Variants in GCH1 observed in about 807,000 individuals in gnomAD.
The protein encoded by GCH1 is GTP cyclohydrolase 1.
A neutral mutation model predicts 25.9 loss-of-function variants in GCH1; 5 were observed. The ratio of observed to expected loss-of-function variants is 0.19; its 90% CI spans 0.10 to 0.41. The LOEUF is 0.41. Ranked by LOEUF, GCH1 falls within the 10% of genes least tolerant of loss-of-function variation. GCH1 has a pLI of 1.00. For synonymous variants in GCH1, 159 were observed against 129.6 expected, an observed-to-expected ratio of 1.23 and a Z score of -1.54; for missense variants, 261 against 336.5, an observed-to-expected ratio of 0.78 and a Z score of 1.75.
At chr14:54,862,187 C>G (rs1785644598) in intron 2 of GCH1, among the ~76,000 whole-genome samples, 1 of 151,984 alleles carries the variant, frequency 6.6e-6, no homozygotes, top group Non-Finnish European at 1.5e-5. Context: ...ATGCACCCAC[C>G]ATGCCCAATT....
At chr14:54,867,157 G>GA (rs1173023892) in intron 1 of GCH1, among the ~76,000 whole-genome samples, 2 of 152,098 alleles carry the variant, frequency 1.3e-5, no homozygotes, top group Non-Finnish European at 1.5e-5. Flanking sequence ...ATGTCTTAAA[G>GA]AAAAAACAAG....
intron 3 of GCH1, among the ~76,000 whole-genome samples, chr14:54,857,485 A>T (rs1452933626): frequency 3.9e-5 from 6 of 152,188 alleles, no homozygotes; most frequent in Non-Finnish European, 8.8e-5. Flanking sequence ...TACACTATGA[A>T]ACTATCCATT....
intron 1 of GCH1, among the ~76,000 whole-genome samples, chr14:54,876,626 T>A (rs59750960): frequency 6.6e-6 from 1 of 151,962 alleles, no homozygotes; most frequent in African/African-American, 2.4e-5. Context: ...ATTACACCAC[T>A]GCATTCCAGC....
rs1280259311 is a variant in GCH1, at chr14:54,843,113, G to T, written c.*904C>A. ...AAATACTTAGAAAAATATCTTATAA[G>T]ATTAAAAAAAAGAAGAAGAAGAAAC... On this transcript the variant is annotated 3_prime_UTR_variant, in exon 6 of 6. Coordinates refer to ENST00000491895, the MANE Select transcript of GCH1 (RefSeq NM_000161.3). 3 of 1,488,958 alleles carry T rather than the reference G, an allele frequency of 2.0e-6. No homozygotes were observed. Among genetic ancestry groups the T allele is most frequent in the Non-Finnish European group, 2.8e-6 (3 of 1,090,514 alleles). The allele number at this position is 1,488,958 out of a possible 1,614,324, so 92.2% of individuals were successfully genotyped here.
chr14:54,883,600 A>G (rs547133929), intron 1 of GCH1, among the ~76,000 whole-genome samples: 1 of 152,158 alleles, frequency 6.6e-6, no homozygotes, highest in African/African-American at 2.4e-5. Context: ...AATGGAGTGA[A>G]CCCAGGAGGT....
chr14:54,897,468 T>C (rs2040504563), intron 1 of GCH1, among the ~76,000 whole-genome samples: 1 of 152,014 alleles, frequency 6.6e-6, no homozygotes, highest in Non-Finnish European at 1.5e-5. Context: ...TTTGTATTTT[T>C]AGTAGAGAAG....
At chr14:54,844,409 G>A (rs1378712629) in intron 5 of GCH1, among the ~76,000 whole-genome samples, 1 of 152,122 alleles carries the variant, frequency 6.6e-6, no homozygotes, top group Non-Finnish European at 1.5e-5. Flanking sequence ...TTTATCAGTA[G>A]TTGATCCTTA....
rs181652446 is a variant in GCH1, at chr14:54,884,802, A to C, written c.343+17519T>G. The C allele has an allele frequency of 3.1e-3, 470 of 152,852 alleles. 6 individuals carry two copies. The highest frequency in any genetic ancestry group is 6.7e-3 in the Middle Eastern group (2 of 298). The allele number at this position is 152,852 out of a possible 1,614,324, so 9.5% of individuals were successfully genotyped here. ...ACAACAACAACAACAACAACAACAA[A>C]AAAAAAGATTACACAGTAATTTATT... On this transcript the variant is annotated intron_variant, in intron 1 of 5. Transcript: ENST00000491895.
chr14:54,889,869 T>C (rs2040401968), intron 1 of GCH1, among the ~76,000 whole-genome samples: 1 of 151,912 alleles, frequency 6.6e-6, no homozygotes, highest in Non-Finnish European at 1.5e-5. Flanking sequence ...AATTGCCCTA[T>C]ATGAGGAAAT....
intron 4 of GCH1, 92 bp from the exon 5 acceptor site, chr14:54,845,944 A>G (rs760281282): frequency 1.2e-6 from 1 of 806,226 alleles, no homozygotes; most frequent in Non-Finnish European, 2.2e-6. Context: ...CTTAAAAATC[A>G]GACTTCTGTG....
rs977588888 is a variant in GCH1 at position 54,872,426 on chromosome 14, A to G, written c.344-6990T>C. Among the ~76,000 whole-genome samples, 316 of 152,204 alleles carry G rather than the reference A, an allele frequency of 2.1e-3. 2 individuals carry two copies. The highest frequency in any genetic ancestry group is 7.1e-3 in the African/African-American group (296 of 41,478). ...TTGTAAAGACCATTGAGGCTAGGAAAAAACTGCATCAACTAACGAGCAAAA... is the reference window on the plus strand; with the variant it reads ...TTGTAAAGACCATTGAGGCTAGGAAGAAACTGCATCAACTAACGAGCAAAA... On this transcript the variant is annotated intron_variant, in intron 1 of 5. Coordinates refer to ENST00000491895, the MANE Select transcript of GCH1 (RefSeq NM_000161.3).
chr14:54,893,713 C>T (rs2040451621), intron 1 of GCH1, among the ~76,000 whole-genome samples: 1 of 152,212 alleles, frequency 6.6e-6, no homozygotes, highest in Non-Finnish European at 1.5e-5. Context: ...CCTACCCCAT[C>T]GTGCTACTGT....
intron 1 of GCH1, among the ~76,000 whole-genome samples, chr14:54,868,668 C>A (rs551447346): frequency 5.1e-4 from 77 of 152,160 alleles, no homozygotes; most frequent in African/African-American, 1.8e-3. Context: ...GTGGCATGAT[C>A]TCGGCTCACT....
At chr14:54,864,619 C>A (rs143432574) in intron 2 of GCH1, among the ~76,000 whole-genome samples, 1 of 152,112 alleles carries the variant, frequency 6.6e-6, no homozygotes, top group Non-Finnish European at 1.5e-5. Flanking sequence ...TCCCTTTTGT[C>A]CTAAAATAGT....
rs2039841797 is a variant in GCH1, at chr14:54,858,234, A to T, written c.509+1447T>A. ...GGCCTGCATAAAGAAACAGGAACAC[A>T]TCAGAGCCACAGCACAGTCAACTGG... On this transcript the variant is annotated intron_variant, in intron 3 of 5. Transcript: ENST00000491895. 2.6e-5 allele frequency among the ~76,000 whole-genome samples: 4 copies of T among 152,290 alleles called. No individual in the cohort carries two copies. In the South Asian group the frequency reaches 6.2e-4, roughly 24 times the overall value.
At chr14:54,883,552 G>A (rs1359073239) in intron 1 of GCH1, among the ~76,000 whole-genome samples, 1 of 151,986 alleles carries the variant, frequency 6.6e-6, no homozygotes, top group Non-Finnish European at 1.5e-5. Flanking sequence ...GGTGGCAGGC[G>A]CCTGTAGTCC....
chr14:54,899,988 C>G (rs2040540916), intron 1 of GCH1, among the ~76,000 whole-genome samples: 1 of 151,634 alleles, frequency 6.6e-6, no homozygotes, highest in African/African-American at 2.4e-5. Context: ...CCTCAGCTTC[C>G]TGAGTAGCTG....
intron 5 of GCH1, among the ~76,000 whole-genome samples, chr14:54,845,016 T>C (rs954157441): frequency 6.6e-6 from 1 of 151,900 alleles, no homozygotes; most frequent in Admixed American, 6.6e-5. Context: ...CTCTACTAAA[T>C]ACGAAAATTA....
chr14:54,888,331 G>A (rs1229444514), intron 1 of GCH1, among the ~76,000 whole-genome samples: 1 of 152,006 alleles, frequency 6.6e-6, no homozygotes, highest in Non-Finnish European at 1.5e-5. Context: ...ATTCTGACAG[G>A]CCCACCCATG....
Sources: gnomAD v4.1 joint callset for allele counts (sites outside exome capture counted in the v4.1 genomes callset) on GRCh38, gnomAD v4.1.1 for gene constraint, MANE v1.5 for transcripts, NCBI Gene and HGNC (gene_info 2026-07-23, HGNC 2026-07-21) for gene names.